Variants in MARVELD3 observed in about 807,000 individuals in gnomAD.
MARVELD3 encodes MARVEL domain containing 3.
MARVELD3 carries 28 observed loss-of-function variants against 33.5 expected under a neutral mutation model. The ratio of observed to expected loss-of-function variants is 0.84; its 90% CI spans 0.62 to 1.15. The LOEUF (loss-of-function observed/expected upper bound fraction) is 1.15, where lower values mean the gene tolerates loss of function less well. Ranked by LOEUF, MARVELD3 falls within the 50% of genes most tolerant of loss-of-function variation. The probability of loss-of-function intolerance (pLI) is 0.00; values close to 1 mark genes in which losing one functional copy is unlikely to be tolerated. For synonymous variants in MARVELD3, 241 were observed against 230.4 expected (o/e 1.05, Z -0.42); for missense variants, 582 against 547.6 (o/e 1.06, Z -0.63).
intron 2 of MARVELD3, among the ~76,000 whole-genome samples, chr16:71,633,727 G>C (rs1052093716): frequency 2.0e-5 from 3 of 150,190 alleles, no homozygotes; most frequent in Non-Finnish European, 4.4e-5. Flanking sequence ...ATTAGAGATG[G>C]GGTATCACTA....
At chr16:71,636,967 C>G (rs114004668), downstream of MARVELD3, among the ~76,000 whole-genome samples, 480 of 152,316 alleles carry the variant, frequency 3.2e-3, 2 homozygotes, top group African/African-American at 0.011. Context: ...CCTCTGCTGT[C>G]TTTCCGGAGA....
In MARVELD3 at chr16:71,635,985, C is replaced by G. The variant is rs971488603; in HGVS notation, c.*1182C>G. On this transcript the variant is annotated 3_prime_UTR_variant, in exon 3 of 3. Coordinates refer to ENST00000268485, the MANE Select transcript of MARVELD3 (RefSeq NM_052858.6). ...CCAACATCTAGAATTCAGGATTCAT[C>G]CAGAATAAAAGGATGTAAAATCTTT... 21 of 985,212 alleles carry G rather than the reference C, an allele frequency of 2.1e-5. No individual in the cohort carries two copies. Among genetic ancestry groups the G allele is most frequent in the Non-Finnish European group, 2.5e-5 (21 of 829,930 alleles). 61.0% of individuals were successfully genotyped at this position (985,212 alleles called of 1,614,324 possible). A position where few individuals can be genotyped will look rare whatever the true frequency, so the allele number is the denominator to read the frequency against.
chr16:71,633,362 AAGAAG>A (rs1231165130), intron 2 of MARVELD3, among the ~76,000 whole-genome samples: 4 of 152,124 alleles, frequency 2.6e-5, no homozygotes, highest in Non-Finnish European at 5.9e-5. Context: ...TGTCTCAAAA[AAGAAG>A]AGACAACTTG....
At chr16:71,637,825 A>G (rs2044591408), downstream of MARVELD3, 1 of 152,182 alleles carries the variant, frequency 6.6e-6, no homozygotes, top group Non-Finnish European at 1.5e-5. Context: ...ATTACTGAGT[A>G]GCGTCACTAT....
chr16:71,641,061 TTTCTCTCAAAAAGACAG>T (rs1442000058), downstream of MARVELD3: 3 of 1,568,596 alleles, frequency 1.9e-6, no homozygotes, highest in African/African-American at 2.7e-5. Flanking sequence ...ACGCACATTG[TTTCTCTCAAAAAGACAG>T]GTCTTTTAAA....
At chr16:71,640,961 A>C (rs1466432468), downstream of MARVELD3, 4 of 1,613,886 alleles carry the variant, frequency 2.5e-6, no homozygotes, top group East Asian at 8.9e-5. Flanking sequence ...AGCGCTACAA[A>C]GGCAGCCGAG....
rs199587544 is a variant in MARVELD3 at position 71,634,672 on chromosome 16, G to A, written c.1075G>A (p.Ala359Thr). 8.1e-6 allele frequency: 13 copies of A among 1,614,238 alleles called. No individual in the cohort carries two copies. Among genetic ancestry groups the A allele is most frequent in the Middle Eastern group, 1.6e-4 (1 of 6,062 alleles). ...CGGTTTCGGCTGCAGTTTCCACGGAGCAGATATAGGAGCTGGAATCTTTGC... is the reference window on the plus strand; with the variant it reads ...CGGTTTCGGCTGCAGTTTCCACGGAACAGATATAGGAGCTGGAATCTTTGC... ...YSGFGCSFHGADIGAGIFAAL... is the reference protein window; with the variant it reads ...YSGFGCSFHGTDIGAGIFAAL... The change falls in exon 3 of 3, where the codon GCA becomes ACA. Residue 359 changes from alanine to threonine, a missense_variant. Physicochemically the swap from Ala to Thr is moderately conservative, Grantham distance 58. Coordinates refer to ENST00000268485, the MANE Select transcript of MARVELD3 (RefSeq NM_052858.6).
At chr16:71,640,642 G>C, downstream of MARVELD3, 1 of 1,614,242 alleles carries the variant, frequency 6.2e-7, no homozygotes, top group Non-Finnish European at 8.5e-7. Context: ...CTCACCATGG[G>C]TGTTTTACTC....
At position 71,636,215 on chromosome 16, in the gene MARVELD3, G is replaced by T. The variant is rs1188379903; in HGVS notation, c.*1412G>T. On this transcript the variant is annotated 3_prime_UTR_variant, in exon 3 of 3. Transcript: ENST00000268485. ...ATCCAAAGAATTTTAATTTGGAGTTGATGTCCTCTTTACAATACATTTATA... is the reference window on the plus strand; with the variant it reads ...ATCCAAAGAATTTTAATTTGGAGTTTATGTCCTCTTTACAATACATTTATA... 5 of 889,368 alleles carry T rather than the reference G, an allele frequency of 5.6e-6. No individual in the cohort carries two copies. Among genetic ancestry groups the T allele is most frequent in the African/African-American group, 1.8e-5 (1 of 55,312 alleles). 55.1% of individuals were successfully genotyped at this position (889,368 alleles called of 1,614,324 possible). A position where few individuals can be genotyped will look rare whatever the true frequency, so the allele number is the denominator to read the frequency against.
chr16:71,631,247 A>AG (rs1440056972), intron 2 of MARVELD3, among the ~76,000 whole-genome samples: 2 of 152,176 alleles, frequency 1.3e-5, no homozygotes, highest in African/African-American at 4.8e-5. Context: ...CCTGAGCTTC[A>AG]GAGAAGTACA....
At chr16:71,641,434 A>G (rs2044618522), downstream of MARVELD3, 1 of 167,114 alleles carries the variant, frequency 6.0e-6, no homozygotes, top group Non-Finnish European at 1.3e-5. Flanking sequence ...CTAAAAATAC[A>G]AAAATTAGCT....
In MARVELD3 at chr16:71,634,974, A is replaced by C; in HGVS notation, c.*171A>C. 7 of 1,402,656 alleles carry C rather than the reference A, an allele frequency of 5.0e-6. No individual in the cohort carries two copies. Among genetic ancestry groups the C allele is most frequent in the Non-Finnish European group, 6.5e-6 (7 of 1,079,864 alleles). 86.9% of individuals were successfully genotyped at this position (1,402,656 alleles called of 1,614,324 possible). On this transcript the variant is annotated 3_prime_UTR_variant, in exon 3 of 3. Coordinates refer to ENST00000268485, the MANE Select transcript of MARVELD3 (RefSeq NM_052858.6). ...GCATGGAGCGGTGTTCATGGATGCA[A>C]CAGACCCTGGCTTCTGGAGTCCTCT...
chr16:71,626,674 C>T lies in MARVELD3; in HGVS notation c.445C>T (p.Pro149Ser), dbSNP rs2044475968. Residue 149 changes from proline (P) to serine (S), a missense_variant, in exon 1 of 3, where the codon CCC (proline) becomes TCC (serine). Coordinates refer to ENST00000268485, the MANE Select transcript of MARVELD3 (RefSeq NM_052858.6). The surrounding 1 kb of genome is among the most constrained non-coding windows in gnomAD (Gnocchi z 5.3). ...GCCGCAGCCGCAGAGGAAGGGAGAC[C>T]CCGGGCGCCGCAGACCCGAAAGGTG... is the stretch of plus-strand genomic sequence containing the variant. ...EPPQPQRKGD[P>S]GRRRPESEPP... The T allele has an allele frequency of 1.3e-6, 2 of 1,512,060 alleles. No individual in the cohort carries two copies. The highest frequency in any genetic ancestry group is 1.8e-6 in the Non-Finnish European group (2 of 1,135,126). 93.7% of individuals were successfully genotyped at this position (1,512,060 alleles called of 1,614,324 possible). A position where few individuals can be genotyped will look rare whatever the true frequency, so the allele number is the denominator to read the frequency against.
intron 1 of MARVELD3, 167 bp from the exon 2 acceptor site, chr16:71,629,200 C>A: frequency 1.4e-6 from 1 of 698,214 alleles, no homozygotes; most frequent in Non-Finnish European, 2.2e-6. Context: ...ATTTGGATGT[C>A]CCGTGGGGCC....
At chr16:71,634,053 G>T in intron 2 of MARVELD3, 140 bp from the exon 3 acceptor site, 2 of 1,344,754 alleles carry the variant, frequency 1.5e-6, no homozygotes, top group Non-Finnish European at 2.0e-6. Flanking sequence ...AGTTTTAATC[G>T]CGCTGCTTTG....
chr16:71,626,498 G>A lies in MARVELD3; in HGVS notation c.269G>A (p.Arg90His). ...ERERDPDRGP[R>H]RDTHRDAGPR... Reference sequence around the variant, plus strand: ...GAAAGAGACCCGGACCGAGGCCCCCGCCGGGACACACACAGGGACGCGGGC... The same window carrying A: ...GAAAGAGACCCGGACCGAGGCCCCCACCGGGACACACACAGGGACGCGGGC... Residue 90 changes from arginine (R) to histidine (H), a missense_variant, in exon 1 of 3, where the codon CGC (arginine) becomes CAC (histidine). By Grantham distance (29) the Arg-to-His change is conservative (BLOSUM62 0). Transcript: ENST00000268485. The surrounding 1 kb of genome is among the most constrained non-coding windows in gnomAD (Gnocchi z 5.3). 1 of 1,549,808 alleles carries A rather than the reference G, an allele frequency of 6.5e-7. No homozygotes were observed. Among genetic ancestry groups the A allele is most frequent in the South Asian group, 1.2e-5 (1 of 84,046 alleles).
chr16:71,631,644 T>C (rs1179562868), intron 2 of MARVELD3, among the ~76,000 whole-genome samples: 2 of 152,048 alleles, frequency 1.3e-5, no homozygotes, highest in African/African-American at 4.8e-5. Context: ...GACAGGGTTT[T>C]ACCATGTTGG....
At chr16:71,628,099 A>G (rs561342828) in intron 1 of MARVELD3, among the ~76,000 whole-genome samples, 1 of 152,326 alleles carries the variant, frequency 6.6e-6, no homozygotes, top group Admixed American at 6.5e-5. Context: ...ATCTAAAACT[A>G]ACTAGCATAA....
rs763786514 is a variant in MARVELD3 at position 71,634,540 on chromosome 16, G to A, written c.943G>A (p.Gly315Arg). 4 of 1,614,146 alleles carry A rather than the reference G, an allele frequency of 2.5e-6. No homozygotes were observed. The highest frequency in any genetic ancestry group is 2.2e-5 in the East Asian group (1 of 44,876). ...TEGLLDMLIA[G>R]GYIPALYFYF... ...AGGCTTGTTGGACATGCTCATCGCG[G>A]GGGGGTACATCCCGGCCTTGTACTT... The change falls in exon 3 of 3, where the codon GGG (glycine) becomes AGG (arginine). Residue 315 changes from glycine (G) to arginine (R), a missense_variant. By Grantham distance (125) the Gly-to-Arg change is moderately radical. Coordinates refer to ENST00000268485, the MANE Select transcript of MARVELD3 (RefSeq NM_052858.6).
Sources: allele counts gnomAD v4.1 joint callset (sites outside exome capture counted in the v4.1 genomes callset), GRCh38; gene constraint gnomAD v4.1.1; non-coding constraint Gnocchi (gnomAD v3.1); transcripts MANE v1.5; gene names NCBI Gene and HGNC (gene_info 2026-07-23, HGNC 2026-07-21).